The following NPHP4 variants were observed in gnomAD, a reference collection of about 807,000 sequenced individuals.
The protein encoded by NPHP4 is nephrocystin 4.
NPHP4 carries 151 observed loss-of-function variants against 155.8 expected under a neutral mutation model. The ratio of observed to expected loss-of-function variants is 0.97; its 90% CI spans 0.85 to 1.11. NPHP4 has a LOEUF of 1.11. Ranked by LOEUF, NPHP4 falls within the 50% of genes least tolerant of loss-of-function variation. The pLI is 0.00. For missense variants in NPHP4, 1,956 were observed against 1,925.7 expected, an observed-to-expected ratio of 1.02 and a Z score of -0.29; for synonymous variants, 845 against 816.8, an observed-to-expected ratio of 1.03 and a Z score of -0.59.
At chr1:5,912,551 A>G (rs555597469) in intron 11 of NPHP4, among the ~76,000 whole-genome samples, 172 of 100,888 alleles carry the variant, frequency 1.7e-3, no homozygotes, top group African/African-American at 8.2e-3. Flanking sequence ...AAAAAAAAAA[A>G]AAAAGAAAAA....
chr1:5,867,432 A>G lies in NPHP4; in HGVS notation c.3472+308T>C. The G allele has an allele frequency of 1.8e-6, 1 of 549,276 alleles. No homozygotes were observed. The highest frequency in any genetic ancestry group is 3.3e-6 in the Non-Finnish European group (1 of 307,542). The allele number at this position is 549,276 out of a possible 1,614,324, so 34.0% of individuals were successfully genotyped here. ...CACTCTGCTGTAAGGGGCACCTACC[A>G]GAAACACGCGGGCCGTCAGGTGAGG... is the stretch of plus-strand genomic sequence containing the variant. On this transcript the variant is annotated intron_variant, in intron 24 of 29. Transcript: ENST00000378156. This position sits in a 1 kb window ranked among gnomAD's most constrained non-coding sequence, Gnocchi z 4.1.
intron 11 of NPHP4, among the ~76,000 whole-genome samples, chr1:5,922,113 A>G (rs11120782): frequency 0.2 from 30,380 of 152,192 alleles, 3,443 homozygotes; most frequent in African/African-American, 0.31. Flanking sequence ...GTTCAGTGAC[A>G]ACTGGAAAGT....
intron 11 of NPHP4, among the ~76,000 whole-genome samples, chr1:5,925,774 T>C (rs1645971475): frequency 6.6e-6 from 1 of 151,964 alleles, no homozygotes; most frequent in Non-Finnish European, 1.5e-5. Flanking sequence ...CGCCACCACA[T>C]CCAGCTAATT....
rs1641544229 is a variant in NPHP4 at position 5,868,668 on chromosome 1, A to G, written c.3316-772T>C. 2.0e-5 allele frequency among the ~76,000 whole-genome samples: 3 copies of G among 147,526 alleles called. No individual in the cohort carries two copies. In the South Asian group the frequency reaches 6.5e-4, roughly 32 times the overall value. On this transcript the variant is annotated intron_variant, in intron 23 of 29. Coordinates refer to ENST00000378156, the MANE Select transcript of NPHP4 (RefSeq NM_015102.5). ...CATGCACACACGCATCCAGCCACAA[A>G]TGCACACACATGCATGTACACATAT...
At position 5,905,460 on chromosome 1, in the gene NPHP4, G is replaced by A; in HGVS notation, c.1787C>T (p.Ala596Val). The change falls in exon 15 of 30, where the codon GCC becomes GTC. Residue 596 changes from alanine (A) to valine (V), a missense_variant. Coordinates refer to ENST00000378156, the MANE Select transcript of NPHP4 (RefSeq NM_015102.5). This position sits in a 1 kb window ranked among gnomAD's most constrained non-coding sequence, Gnocchi z 4.0. The stretch of plus-strand genomic sequence containing the variant: ...GGAGGACTGCAGGAGCACCATGGAG[G>A]CTCTCGAGGGCTGCCCTGCAGAGCT... ...TRSSAGQPSRASMVLLQSSGF... is the reference protein window; with the variant it reads ...TRSSAGQPSRVSMVLLQSSGF... 6.2e-7 allele frequency: 1 copy of A among 1,605,802 alleles called. No homozygotes were observed. The highest frequency in any genetic ancestry group is 8.5e-7 in the Non-Finnish European group (1 of 1,173,262).
chr1:5,962,862 C>T (rs995658375), intron 5 of NPHP4, among the ~76,000 whole-genome samples: 1 of 152,192 alleles, frequency 6.6e-6, no homozygotes, highest in Admixed American at 6.5e-5. Context: ...GGCACACCCC[C>T]GAAACACAGG....
At chr1:5,974,758 C>T (rs1384480211) in intron 3 of NPHP4, among the ~76,000 whole-genome samples, 2 of 151,726 alleles carry the variant, frequency 1.3e-5, no homozygotes, top group African/African-American at 2.4e-5. Flanking sequence ...TTCAGGACAT[C>T]GTTGTTTGCA....
In NPHP4 at chr1:5,873,266, T is replaced by G. The variant is rs372569755; in HGVS notation, c.3301A>C (p.Thr1101Pro). ...TGCCCCTTTACCTTGGCGTGTTTAG[T>G]GGGCACTGCGCTGGACTTCCAAGGT... The part of the protein sequence containing the change: ...VSPWKSSAVP[T>P]KHAKVLFRAS... Residue 1101 changes from threonine (T) to proline (P), a missense_variant, in exon 23 of 30, where the codon ACT becomes CCT. Transcript: ENST00000378156. 6.2e-7 allele frequency: 1 copy of G among 1,613,628 alleles called. No homozygotes were observed. The highest frequency in any genetic ancestry group is 2.2e-5 in the East Asian group (1 of 44,886).
rs1346280861 is a variant in NPHP4 at position 5,882,286 on chromosome 1, ATC to A, written c.2486-2049_2486-2048del. ...CTCTCAGTGGCGCGCTTACCCAGCCATCTCTCAGTGGCGCGCTTACCCAGCCA... is the reference window on the plus strand; with the variant it reads ...CTCTCAGTGGCGCGCTTACCCAGCCATCTCAGTGGCGCGCTTACCCAGCCA... On this transcript the variant is annotated intron_variant, in intron 18 of 29. Coordinates refer to ENST00000378156, the MANE Select transcript of NPHP4 (RefSeq NM_015102.5). The surrounding 1 kb of genome is among the most constrained non-coding windows in gnomAD (Gnocchi z 5.1). 1.1e-4 allele frequency: 14 copies of A among 121,804 alleles called. No individual in the cohort carries two copies. Among genetic ancestry groups the A allele is most frequent in the African/African-American group, 4.1e-4 (13 of 31,676 alleles). 7.5% of individuals were successfully genotyped at this position (121,804 alleles called of 1,614,324 possible).
Position 5,892,863 on chromosome 1 carries a change from A to T in NPHP4, c.2144-1835T>A, listed in dbSNP as rs1381513043. On this transcript the variant is annotated intron_variant, in intron 16 of 29. Transcript: ENST00000378156. This position sits in a 1 kb window ranked among gnomAD's most constrained non-coding sequence, Gnocchi z 4.5. ...AGGGGCAGTGGCCCTGTCCTCCCCA[A>T]GCCCACCTCCTGCACCCCCTTCACA... Among the ~76,000 whole-genome samples the T allele has an allele frequency of 6.6e-6, 1 of 152,092 alleles. No individual in the cohort carries two copies. The highest frequency in any genetic ancestry group is 1.5e-5 in the Non-Finnish European group (1 of 68,012).
chr1:5,877,582 T>G lies in NPHP4; in HGVS notation c.2612-284A>C, dbSNP rs184314474. On this transcript the variant is annotated intron_variant, in intron 19 of 29. Transcript: ENST00000378156. ...CTGTCAACACACCACCAGGGGGTTT[T>G]CTAGGGAAGAAGGCCACGTTCTAGA... The G allele has an allele frequency of 2.2e-3, 676 of 311,504 alleles. 2 individuals carry two copies. Among genetic ancestry groups the G allele is most frequent in the African/African-American group, 0.013 (611 of 47,056 alleles). 19.3% of individuals were successfully genotyped at this position (311,504 alleles called of 1,614,324 possible). A position where few individuals can be genotyped will look rare whatever the true frequency, so the allele number is the denominator to read the frequency against.
chr1:5,991,783 G>GGAGGAGGGGCGGA (rs1553206708), intron 1 of NPHP4, among the ~76,000 whole-genome samples: 6 of 152,110 alleles, frequency 3.9e-5, no homozygotes, highest in African/African-American at 1.4e-4. Context: ...CGGGGGGCGG[G>GGAGGAGGGGCGGA]GAGGAGGGGC....
Position 5,961,837 on chromosome 1 carries a change from A to C in NPHP4, c.630T>G (p.Gly210=). Residue 210 remains glycine (G), a synonymous_variant, in exon 6 of 30, where the codon GGT becomes GGG. Transcript: ENST00000378156. ...GAAGCAGGCCAGGTATCTGCTGCAG[A>C]CCAGACACCAGAAGGTTCTCAGGAA... ...HLLPENLLVS[G]LQQIPGLLPA... The C allele has an allele frequency of 6.2e-7, 1 of 1,613,574 alleles. No homozygotes were observed. The highest frequency in any genetic ancestry group is 8.5e-7 in the Non-Finnish European group (1 of 1,179,670).
chr1:5,938,703 A>G (rs1053197309), intron 9 of NPHP4, among the ~76,000 whole-genome samples: 3 of 152,264 alleles, frequency 2.0e-5, no homozygotes, highest in Non-Finnish European at 4.4e-5. Context: ...CACTCATTTA[A>G]TTTTACATAA....
At chr1:5,900,205 C>T (rs1045187688) in intron 16 of NPHP4, among the ~76,000 whole-genome samples, 2 of 152,346 alleles carry the variant, frequency 1.3e-5, no homozygotes, top group East Asian at 1.9e-4. Flanking sequence ...CAATCACACT[C>T]CTTGGTATTT....
intron 16 of NPHP4, among the ~76,000 whole-genome samples, chr1:5,894,403 T>C (rs116064416): frequency 0.037 from 5,458 of 149,084 alleles, 330 homozygotes; most frequent in African/African-American, 0.13. Flanking sequence ...TAAGCTGAGA[T>C]CACGCCACTG....
chr1:5,949,863 A>G (rs1016753987), intron 7 of NPHP4, among the ~76,000 whole-genome samples: 2 of 152,152 alleles, frequency 1.3e-5, no homozygotes, highest in Non-Finnish European at 2.9e-5. Flanking sequence ...AGACCAAACC[A>G]TGACCAGGAG....
At chr1:5,891,810 C>A (rs1644141963) in intron 16 of NPHP4, among the ~76,000 whole-genome samples, 1 of 152,222 alleles carries the variant, frequency 6.6e-6, no homozygotes, top group South Asian at 2.1e-4. Flanking sequence ...CCAAGCCAGG[C>A]TGAAATTTGG....
At chr1:5,896,424 A>G (rs1644398944) in intron 16 of NPHP4, among the ~76,000 whole-genome samples, 1 of 152,214 alleles carries the variant, frequency 6.6e-6, no homozygotes, top group African/African-American at 2.4e-5. Context: ...CAGAGGCCAA[A>G]AGGAGCTGCG....
Sources: gnomAD v4.1 joint callset for allele counts (sites outside exome capture counted in the v4.1 genomes callset) on GRCh38, gnomAD v4.1.1 for gene constraint, Gnocchi (gnomAD v3.1) non-coding constraint, MANE v1.5 for transcripts, NCBI Gene and HGNC (gene_info 2026-07-23, HGNC 2026-07-21) for gene names.